TENM2: variants seen among roughly 807,000 people sequenced by gnomAD.
TENM2 encodes teneurin-2.
In TENM2, 52 loss-of-function variants were observed where a neutral mutation model predicts 245.2. The observed-to-expected ratio is 0.21, with a 90% CI of 0.17 to 0.27. The LOEUF is 0.27. Among genes scored for constraint, TENM2 ranks in the 10% least tolerant of loss-of-function variants. TENM2 has a pLI of 1.00. For synonymous variants in TENM2, 1,363 were observed against 1,438.9 expected, an observed-to-expected ratio of 0.95 and a Z score of 1.19; for missense variants, 3,046 against 3,666.8, an observed-to-expected ratio of 0.83 and a Z score of 4.37.
chr5:168,167,847 C>T lies in TENM2; in HGVS notation c.2569+5090C>T, dbSNP rs1240008146. On this transcript the variant is annotated intron_variant, in intron 13 of 28. Transcript: ENST00000518659. Reference sequence around the variant, plus strand: ...AATAGGCATGGCAATGCCAATGTCACTAGCTGGTGTGAAGTTTAAGTGAGA... The same window carrying T: ...AATAGGCATGGCAATGCCAATGTCATTAGCTGGTGTGAAGTTTAAGTGAGA... Among the ~76,000 whole-genome samples the T allele has an allele frequency of 2.0e-5, 3 of 152,204 alleles. No individual in the cohort carries two copies. The East Asian group carries it at 5.8e-4, about 29-fold the overall frequency.
intron 2 of TENM2, among the ~76,000 whole-genome samples, chr5:167,705,311 A>C (rs1338211832): frequency 6.6e-6 from 1 of 152,280 alleles, no homozygotes; most frequent in East Asian, 1.9e-4. Flanking sequence ...ATGAGCAAAT[A>C]TTTAAGGAAA....
At chr5:167,509,523 A>G (rs1356898519) in intron 2 of TENM2, among the ~76,000 whole-genome samples, 1 of 152,158 alleles carries the variant, frequency 6.6e-6, no homozygotes, top group African/African-American at 2.4e-5. Context: ...TTGTTCGATT[A>G]TTTCTTGGAA....
intron 2 of TENM2, among the ~76,000 whole-genome samples, chr5:167,723,152 T>C (rs1759751238): frequency 6.6e-6 from 1 of 152,178 alleles, no homozygotes; most frequent in South Asian, 2.1e-4. Flanking sequence ...CATTTTTAGG[T>C]CCCACTGTTG....
chr5:167,896,129 C>T (rs1433026020), intron 3 of TENM2, among the ~76,000 whole-genome samples: 2 of 152,190 alleles, frequency 1.3e-5, no homozygotes, highest in African/African-American at 2.4e-5. Context: ...ACATCGCGGC[C>T]CTCCCCACCT....
At chr5:167,128,895 C>A in the TENM2 span, among the ~76,000 whole-genome samples, 2 of 152,182 alleles carry the variant, frequency 1.3e-5, no homozygotes, top group Non-Finnish European at 2.9e-5. Flanking sequence ...AAATAAACAA[C>A]CAAACATACA....
At chr5:167,314,671 A>T (rs904271510) in intron 1 of TENM2, among the ~76,000 whole-genome samples, 3 of 152,122 alleles carry the variant, frequency 2.0e-5, no homozygotes, top group Admixed American at 6.6e-5. Flanking sequence ...CACAGAGTTG[A>T]TGAACAATTT....
the TENM2 span, among the ~76,000 whole-genome samples, chr5:167,072,276 C>T: frequency 6.6e-6 from 1 of 152,238 alleles, no homozygotes; most frequent in Non-Finnish European, 1.5e-5. Context: ...TTGTCACTCC[C>T]TCTTTATCAA....
At chr5:167,680,476 T>C (rs1346599802) in intron 2 of TENM2, among the ~76,000 whole-genome samples, 1 of 151,992 alleles carries the variant, frequency 6.6e-6, no homozygotes, top group African/African-American at 2.4e-5. Flanking sequence ...GGGTGAGATA[T>C]TGGGAAGTCC....
chr5:168,158,190 GT>G (rs1439439658), intron 12 of TENM2, among the ~76,000 whole-genome samples: 1 of 151,980 alleles, frequency 6.6e-6, no homozygotes, highest in Non-Finnish European at 1.5e-5. Flanking sequence ...CCCAAAGTGG[GT>G]TTTTTTAAAT....
At chr5:167,934,145 T>G (rs1305419570) in intron 3 of TENM2, among the ~76,000 whole-genome samples, 1 of 152,234 alleles carries the variant, frequency 6.6e-6, no homozygotes, top group African/African-American at 2.4e-5. Context: ...CATATTATCA[T>G]GGACAGCTTT....
Position 167,839,139 on chromosome 5 carries a change from C to T in TENM2, c.503-36847C>T, listed in dbSNP as rs76429637. On this transcript the variant is annotated intron_variant, in intron 2 of 28. Coordinates refer to ENST00000518659, the Ensembl canonical transcript of TENM2. ...TCCTTTCGTTTAACACTCAGGACAT[C>T]TGTGAGTCGGGTGTTTACTGGTTCC... Among the ~76,000 whole-genome samples the T allele has an allele frequency of 1.6e-4, 25 of 152,324 alleles. No homozygotes were observed. In the East Asian group the frequency reaches 4.6e-3, roughly 28 times the overall value.
rs374046588 is a variant in TENM2, at chr5:167,775,858, T to G, written c.503-100128T>G. ...TCCAGAGAAACAGTGTGCAAAATTA[T>G]GTTTAAATGAATGTTAATTGTATCA... On this transcript the variant is annotated intron_variant, in intron 2 of 28. Transcript: ENST00000518659. Among the ~76,000 whole-genome samples, 180 of 152,316 alleles carry G rather than the reference T, an allele frequency of 1.2e-3. 4 individuals are homozygous for G. In the South Asian group the frequency reaches 0.036, roughly 31 times the overall value.
At chr5:167,577,840 A>C (rs1283618857) in intron 2 of TENM2, among the ~76,000 whole-genome samples, 1 of 152,190 alleles carries the variant, frequency 6.6e-6, no homozygotes, top group Non-Finnish European at 1.5e-5. Context: ...GAAGATGCAA[A>C]ATATGCGCCA....
chr5:167,191,240 G>A, the TENM2 span, among the ~76,000 whole-genome samples: 2 of 151,880 alleles, frequency 1.3e-5, no homozygotes, highest in East Asian at 3.9e-4. Context: ...GTTACATACA[G>A]CATATATGTT....
chr5:167,363,013 A>G lies in TENM2; in HGVS notation c.227-12185A>G, dbSNP rs1483696752. Among the ~76,000 whole-genome samples, 5 of 152,230 alleles carry G rather than the reference A, an allele frequency of 3.3e-5. No individual in the cohort carries two copies. The East Asian group carries it at 9.6e-4, about 29-fold the overall frequency. On this transcript the variant is annotated intron_variant, in intron 1 of 28. Coordinates refer to ENST00000518659, the Ensembl canonical transcript of TENM2. The stretch of plus-strand genomic sequence containing the variant: ...CTATTATTCTTCCATTTTACAGGTG[A>G]GAAAATGGAAACAGAAGTATTAAAT...
intron 4 of TENM2, among the ~76,000 whole-genome samples, chr5:167,988,572 G>A (rs1783421144): frequency 6.6e-6 from 1 of 152,156 alleles, no homozygotes; most frequent in African/African-American, 2.4e-5. Flanking sequence ...CCAGGCAGAA[G>A]GAACAGTAAG....
intron 2 of TENM2, among the ~76,000 whole-genome samples, chr5:167,522,868 A>G (rs1770857962): frequency 1.3e-5 from 2 of 152,080 alleles, no homozygotes; most frequent in Admixed American, 1.3e-4. Flanking sequence ...GTGTGTTAGT[A>G]TTATGTGACT....
chr5:167,033,770 T>G, the TENM2 span, among the ~76,000 whole-genome samples: 10 of 152,210 alleles, frequency 6.6e-5, no homozygotes, highest in African/African-American at 2.4e-4. Flanking sequence ...CTTAACCGTA[T>G]TACCCTGAGT....
At chr5:167,298,699 G>A (rs1208242355) in intron 1 of TENM2, among the ~76,000 whole-genome samples, 2 of 152,348 alleles carry the variant, frequency 1.3e-5, no homozygotes, top group East Asian at 1.9e-4. Flanking sequence ...AGGACCCAGG[G>A]CATCTAATTA....
Sources: gnomAD v4.1 joint callset for allele counts (sites outside exome capture counted in the v4.1 genomes callset) on GRCh38, gnomAD v4.1.1 for gene constraint, MANE v1.5 for transcripts, NCBI Gene and HGNC (gene_info 2026-07-23, HGNC 2026-07-21) for gene names.